Variants in GET3 observed in about 807,000 individuals in gnomAD.
The protein encoded by GET3 is ATPase GET3.
Under a neutral mutation model 32.4 loss-of-function variants are expected in GET3, and 15 were observed. The observed-to-expected ratio is 0.46, with a 90% CI of 0.31 to 0.71. GET3 has a LOEUF of 0.71. Among genes scored for constraint, GET3 ranks in the 30% least tolerant of loss-of-function variants. The pLI is 0.05. For synonymous variants in GET3, 198 were observed against 185.6 expected, an observed-to-expected ratio of 1.07 and a Z score of -0.54; for missense variants, 333 against 459.0, an observed-to-expected ratio of 0.73 and a Z score of 2.51.
At position 12,745,214 on chromosome 19, in the gene GET3, G is replaced by A. The variant is rs1015477201; in HGVS notation, c.310-163G>A. Among the ~76,000 whole-genome samples the A allele has an allele frequency of 1.3e-5, 2 of 151,820 alleles. No homozygotes were observed. The highest frequency in any genetic ancestry group is 2.9e-5 in the Non-Finnish European group (2 of 67,954). On this transcript the variant is annotated intron_variant, in intron 2 of 6. Coordinates refer to ENST00000357332, the MANE Select transcript of GET3 (RefSeq NM_004317.4). This position sits in a 1 kb window ranked among gnomAD's most constrained non-coding sequence, Gnocchi z 5.0. ...TACAAAACCCTAAGTACTACCTCAG[G>A]GTCCCCCCAGCCGTGACCTAATGAA...
At position 12,748,200 on chromosome 19, in the gene GET3, CA is replaced by C. The variant is rs1676078571; in HGVS notation, c.*97del. The C allele has an allele frequency of 5.9e-6, 7 of 1,179,884 alleles. No individual in the cohort carries two copies. The highest frequency in any genetic ancestry group is 6.8e-6 in the Non-Finnish European group (6 of 883,586). The allele number at this position is 1,179,884 out of a possible 1,614,324, so 73.1% of individuals were successfully genotyped here. ...TTTGCACAAAGTCCCCCCCATAATA[CA>C]GGGGGAGCCACTTGGGCAGGAGGCA... On this transcript the variant is annotated 3_prime_UTR_variant, in exon 7 of 7. Coordinates refer to ENST00000357332, the MANE Select transcript of GET3 (RefSeq NM_004317.4).
In GET3 at chr19:12,738,543, G is replaced by T; in HGVS notation, c.194G>T (p.Arg65Leu). ...CTGGCAGTCCAGCTCTCCAAGGGGC[G>T]TGAGAGTGTTCTGATCATCTCCACA... is the stretch of plus-strand genomic sequence containing the variant. ...CSLAVQLSKG[R>L]ESVLIISTDP... is the part of the protein sequence containing the mutation. Residue 65 changes from arginine (R) to leucine (L), a missense_variant, in exon 2 of 7, where the codon CGT becomes CTT. Arg to Leu is a moderately radical substitution (Grantham distance 102). This residue lies in a region of GET3 where 230 missense variants were observed against 389.2 expected (regional missense o/e 0.59). Transcript: ENST00000357332. 6.2e-7 allele frequency: 1 copy of T among 1,614,162 alleles called. No homozygotes were observed. The highest frequency in any genetic ancestry group is 8.5e-7 in the Non-Finnish European group (1 of 1,180,038).
Position 12,745,851 on chromosome 19 carries a change from T to G in GET3, c.609+92T>G. The G allele has an allele frequency of 1.4e-6, 2 of 1,433,256 alleles. No homozygotes were observed. The highest frequency in any genetic ancestry group is 1.9e-6 in the Non-Finnish European group (2 of 1,074,354). The allele number at this position is 1,433,256 out of a possible 1,614,324, so 88.8% of individuals were successfully genotyped here. ...AGACCCTCAAATGCGCACTAACAAT[T>G]CCCTTTCCTTCCCACCCCTTCTCAC... On this transcript the variant is annotated intron_variant, in intron 4 of 6. Transcript: ENST00000357332. The surrounding 1 kb of genome is among the most constrained non-coding windows in gnomAD (Gnocchi z 5.0).
In GET3 at chr19:12,748,290, C is replaced by T. The variant is rs1967813503; in HGVS notation, c.*186C>T. ...CTGTAGTTGCCCCCTACCTCTCCCA[C>T]CTCTTGCTCTTCAATAAAATGATCT... On this transcript the variant is annotated 3_prime_UTR_variant, in exon 7 of 7. Coordinates refer to ENST00000357332, the MANE Select transcript of GET3 (RefSeq NM_004317.4). The T allele has an allele frequency of 1.9e-6, 1 of 527,334 alleles. No homozygotes were observed. The highest frequency in any genetic ancestry group is 3.3e-6 in the Non-Finnish European group (1 of 302,530). 32.7% of individuals were successfully genotyped at this position (527,334 alleles called of 1,614,324 possible).
chr19:12,737,427 G>A, upstream of GET3: 33 of 1,369,238 alleles, frequency 2.4e-5, 1 homozygote, highest in Non-Finnish European at 3.1e-5. Flanking sequence ...TCCTAGCTTC[G>A]CTAGGAATGT....
chr19:12,738,749 C>T, intron 2 of GET3, 91 bp downstream of exon 2: 14 of 1,498,838 alleles, frequency 9.3e-6, no homozygotes, highest in East Asian at 2.3e-5. Context: ...GTGTCCTATC[C>T]ACTCTATATC....
In GET3 at chr19:12,743,956, C is replaced by T. The variant is rs1357729083; in HGVS notation, c.310-1421C>T. Among the ~76,000 whole-genome samples, 3 of 147,672 alleles carry T rather than the reference C, an allele frequency of 2.0e-5. No homozygotes were observed. In the East Asian group the frequency reaches 6.3e-4, roughly 31 times the overall value. On this transcript the variant is annotated intron_variant, in intron 2 of 6. Coordinates refer to ENST00000357332, the MANE Select transcript of GET3 (RefSeq NM_004317.4). ...GTGTTAGCCAGGATGGTCTCGATCT[C>T]CTAACCTCAGGTGATCTGCCTGCCT... is the stretch of plus-strand genomic sequence containing the variant.
chr19:12,741,467 T>TA (rs962213129), intron 2 of GET3, among the ~76,000 whole-genome samples: 5 of 132,086 alleles, frequency 3.8e-5, no homozygotes, highest in African/African-American at 1.5e-4. Flanking sequence ...AAAAAAAAAA[T>TA]ACAAAAATAA....
Position 12,745,450 on chromosome 19 carries a change from G to C in GET3, c.383G>C (p.Gly128Ala). The change falls in exon 3 of 7, where the codon GGC becomes GCC. Residue 128 changes from glycine to alanine, a missense_variant. Coordinates refer to ENST00000357332, the MANE Select transcript of GET3 (RefSeq NM_004317.4). The surrounding 1 kb of genome is among the most constrained non-coding windows in gnomAD (Gnocchi z 5.0). ...FFEEDNMLSMGKKMMQEAMSA... is the reference protein window; with the variant it reads ...FFEEDNMLSMAKKMMQEAMSA... ...GAGGAGGACAACATGCTGAGCATGG[G>C]CAAGAAGATGATGCAGGAGGCCATG... is the stretch of plus-strand genomic sequence containing the variant. 6.2e-7 allele frequency: 1 copy of C among 1,613,158 alleles called. No individual in the cohort carries two copies. The highest frequency in any genetic ancestry group is 8.5e-7 in the Non-Finnish European group (1 of 1,180,000).
rs1967796395 is a variant in GET3 at position 12,747,540 on chromosome 19, C to T, written c.863C>T (p.Pro288Leu). The T allele has an allele frequency of 6.2e-7, 1 of 1,613,870 alleles. No individual in the cohort carries two copies. Among genetic ancestry groups the T allele is most frequent in the Admixed American group, 1.7e-5 (1 of 59,986 alleles). Residue 288 changes from proline (P) to leucine (L), a missense_variant, in exon 6 of 7, where the codon CCC (proline) becomes CTC (leucine). Physicochemically the swap from Pro to Leu is moderately conservative, Grantham distance 98. This residue lies in a region of GET3 where 230 missense variants were observed against 389.2 expected (regional missense o/e 0.59). Coordinates refer to ENST00000357332, the MANE Select transcript of GET3 (RefSeq NM_004317.4). The surrounding 1 kb of genome is among the most constrained non-coding windows in gnomAD (Gnocchi z 4.0). Reference protein sequence around the residue: ...NQLVFPDPEKPCKMCEARHKI... With the variant: ...NQLVFPDPEKLCKMCEARHKI... Reference sequence around the variant, plus strand: ...CTCGTCTTCCCCGACCCCGAGAAGCCCTGCAAGATGTGTGAGGCCCGTCAC... The same window carrying T: ...CTCGTCTTCCCCGACCCCGAGAAGCTCTGCAAGATGTGTGAGGCCCGTCAC...
In GET3 at chr19:12,747,342, G is replaced by C. The variant is rs750634076; in HGVS notation, c.717+38G>C. ...CTGGCTGGCGGTGAGAGGCCCGGGG[G>C]CTGAGGACAGGGGCAGACCCCGCCC... On this transcript the variant is annotated intron_variant, in intron 5 of 6. Coordinates refer to ENST00000357332, the MANE Select transcript of GET3 (RefSeq NM_004317.4). This position sits in a 1 kb window ranked among gnomAD's most constrained non-coding sequence, Gnocchi z 4.0. The C allele has an allele frequency of 6.2e-6, 10 of 1,610,750 alleles. No individual in the cohort carries two copies. Among genetic ancestry groups the C allele is most frequent in the Middle Eastern group, 1.7e-4 (1 of 6,060 alleles).
chr19:12,747,151 A>T lies in GET3; in HGVS notation c.610-46A>T. ...GTGTTTAGTGAACCCCCAACCCAGGAGGTCGCCGCAGGTAAGCTATGAGCC... is the reference window on the plus strand; with the variant it reads ...GTGTTTAGTGAACCCCCAACCCAGGTGGTCGCCGCAGGTAAGCTATGAGCC... On this transcript the variant is annotated intron_variant, in intron 4 of 6. Transcript: ENST00000357332. The surrounding 1 kb of genome is among the most constrained non-coding windows in gnomAD (Gnocchi z 4.0). 6.6e-7 allele frequency: 1 copy of T among 1,513,098 alleles called. No homozygotes were observed. Among genetic ancestry groups the T allele is most frequent in the South Asian group, 1.3e-5 (1 of 78,192 alleles). The allele number at this position is 1,513,098 out of a possible 1,614,324, so 93.7% of individuals were successfully genotyped here.
Position 12,748,160 on chromosome 19 carries a change from C to G in GET3, c.*56C>G. The G allele has an allele frequency of 6.7e-7, 1 of 1,496,754 alleles. No homozygotes were observed. The highest frequency in any genetic ancestry group is 9.0e-7 in the Non-Finnish European group (1 of 1,114,882). The allele number at this position is 1,496,754 out of a possible 1,614,324, so 92.7% of individuals were successfully genotyped here. On this transcript the variant is annotated 3_prime_UTR_variant, in exon 7 of 7. Transcript: ENST00000357332. ...CACACTCACCCTCCACCCTCCCCAC[C>G]CCCTCGGGGCAGAGTTTGCACAAAG...
At chr19:12,742,381 G>T (rs111831188) in intron 2 of GET3, among the ~76,000 whole-genome samples, 1 of 151,600 alleles carries the variant, frequency 6.6e-6, no homozygotes, top group Non-Finnish European at 1.5e-5. Flanking sequence ...ACAGGCGCCC[G>T]CCACCACATC....
In GET3 at chr19:12,747,882, C is replaced by G. The variant is rs946188203; in HGVS notation, c.916-91C>G. On this transcript the variant is annotated intron_variant, in intron 6 of 6. Coordinates refer to ENST00000357332, the MANE Select transcript of GET3 (RefSeq NM_004317.4). This position sits in a 1 kb window ranked among gnomAD's most constrained non-coding sequence, Gnocchi z 4.0. ...TATATTCTCTCCCTGACTCTGGAAG[C>G]TTTCTAGCTTTACCGCTTCTATTGA... 2.2e-6 allele frequency: 3 copies of G among 1,373,082 alleles called. No homozygotes were observed. The highest frequency in any genetic ancestry group is 2.9e-5 in the African/African-American group (2 of 68,964). 85.1% of individuals were successfully genotyped at this position (1,373,082 alleles called of 1,614,324 possible).
Position 12,747,101 on chromosome 19 carries a change from G to A in GET3, c.610-96G>A, listed in dbSNP as rs1967786866. The A allele has an allele frequency of 1.1e-6, 1 of 925,180 alleles. No homozygotes were observed. Among genetic ancestry groups the A allele is most frequent in the African/African-American group, 1.7e-5 (1 of 59,806 alleles). The allele number at this position is 925,180 out of a possible 1,614,324, so 57.3% of individuals were successfully genotyped here. A position where few individuals can be genotyped will look rare whatever the true frequency, so the allele number is the denominator to read the frequency against. Reference sequence around the variant, plus strand: ...TATGGGCCTGAGCCTTTAACCACTGGGAGGTATCAGGAGTCATCCCTCGGG... The same window carrying A: ...TATGGGCCTGAGCCTTTAACCACTGAGAGGTATCAGGAGTCATCCCTCGGG... On this transcript the variant is annotated intron_variant, in intron 4 of 6. Coordinates refer to ENST00000357332, the MANE Select transcript of GET3 (RefSeq NM_004317.4). This position sits in a 1 kb window ranked among gnomAD's most constrained non-coding sequence, Gnocchi z 4.0.
At chr19:12,742,587 A>T (rs1251850003) in intron 2 of GET3, among the ~76,000 whole-genome samples, 3 of 151,980 alleles carry the variant, frequency 2.0e-5, no homozygotes, top group South Asian at 2.1e-4. Flanking sequence ...GCTAATTTTT[A>T]GTATTTTTAG....
Position 12,745,827 on chromosome 19 carries a change from G to A in GET3, c.609+68G>A. On this transcript the variant is annotated intron_variant, in intron 4 of 6. Transcript: ENST00000357332. The surrounding 1 kb of genome is among the most constrained non-coding windows in gnomAD (Gnocchi z 5.0). ...GAGTGGGAGTAGGCCCGGGCCCCCA[G>A]ACCCTCAAATGCGCACTAACAATTC... 2 of 1,527,982 alleles carry A rather than the reference G, an allele frequency of 1.3e-6. No individual in the cohort carries two copies. Among genetic ancestry groups the A allele is most frequent in the Non-Finnish European group, 1.8e-6 (2 of 1,142,488 alleles). The allele number at this position is 1,527,982 out of a possible 1,614,324, so 94.7% of individuals were successfully genotyped here.
Position 12,747,609 on chromosome 19 carries a change from A to G in GET3, c.915+17A>G. The stretch of plus-strand genomic sequence containing the variant: ...CTGGACCAGGTGTGCCCACCCACCC[A>G]GCACTGGCTCAGCAGAGGCACCTCT... On this transcript the variant is annotated intron_variant, in intron 6 of 6. Transcript: ENST00000357332. The surrounding 1 kb of genome is among the most constrained non-coding windows in gnomAD (Gnocchi z 4.0). The G allele has an allele frequency of 6.2e-7, 1 of 1,609,586 alleles. No homozygotes were observed. The highest frequency in any genetic ancestry group is 8.5e-7 in the Non-Finnish European group (1 of 1,178,996).
Sources: allele counts gnomAD v4.1 joint callset (sites outside exome capture counted in the v4.1 genomes callset), GRCh38; gene constraint gnomAD v4.1.1; regional missense constraint gnomAD v4.1.1; non-coding constraint Gnocchi (gnomAD v3.1); transcripts MANE v1.5; gene names NCBI Gene and HGNC (gene_info 2026-07-23, HGNC 2026-07-21).